Variants in TMTC4 observed in about 807,000 individuals in gnomAD.
TMTC4 encodes the protein transmembrane O-mannosyltransferase targeting cadherins 4.
TMTC4 carries 65 observed loss-of-function variants against 86.0 expected under a neutral mutation model. The observed-to-expected ratio is 0.76, with a 90% confidence interval of 0.62 to 0.93. TMTC4 has a LOEUF of 0.93. Ranked by LOEUF, TMTC4 falls within the 40% of genes least tolerant of loss-of-function variation. TMTC4 has a pLI of 0.00. For synonymous variants in TMTC4, 379 were observed against 382.5 expected, an observed-to-expected ratio of 0.99 and a Z score of 0.11; for missense variants, 866 against 948.1, an observed-to-expected ratio of 0.91 and a Z score of 1.14.
intron 6 of TMTC4, among the ~76,000 whole-genome samples, chr13:100,644,476 C>A (rs560703786): frequency 6.6e-6 from 1 of 152,264 alleles, no homozygotes; most frequent in South Asian, 2.1e-4. Flanking sequence ...CTGTCCCCAG[C>A]TGGGCCCCTG....
At chr13:100,642,673 C>T (rs1883184326) in intron 6 of TMTC4, among the ~76,000 whole-genome samples, 1 of 152,198 alleles carries the variant, frequency 6.6e-6, no homozygotes, top group African/African-American at 2.4e-5. Flanking sequence ...CTCACTGAGA[C>T]TGCAAACAGT....
chr13:100,674,892 G>T, upstream of TMTC4: 1 of 981,790 alleles, frequency 1.0e-6, no homozygotes, highest in Non-Finnish European at 1.2e-6. Flanking sequence ...CTCCCCACGC[G>T]CGCGGGCGCC....
chr13:100,637,461 CGAG>C (rs1213776877), intron 9 of TMTC4, 74 bp downstream of exon 9: 2 of 1,525,024 alleles, frequency 1.3e-6, no homozygotes, highest in Non-Finnish European at 8.8e-7. Flanking sequence ...AGGAGTGAGA[CGAG>C]GAGGAGGGGT....
At chr13:100,641,236 C>T (rs1407982971) in intron 7 of TMTC4, among the ~76,000 whole-genome samples, 2 of 152,226 alleles carry the variant, frequency 1.3e-5, no homozygotes, top group Non-Finnish European at 2.9e-5. Context: ...CCACTAGAAA[C>T]ATTAGCACCA....
intron 17 of TMTC4, among the ~76,000 whole-genome samples, chr13:100,610,356 C>T (rs1264449023): frequency 6.6e-6 from 1 of 152,192 alleles, no homozygotes; most frequent in African/African-American, 2.4e-5. Flanking sequence ...CCATTAGCAA[C>T]CGGTATCATT....
chr13:100,662,087 G>A (rs560061700), intron 5 of TMTC4, among the ~76,000 whole-genome samples: 14 of 151,998 alleles, frequency 9.2e-5, no homozygotes, highest in African/African-American at 2.9e-4. Flanking sequence ...GCAGCGCGAT[G>A]GGATGGAGAT....
At chr13:100,623,438 G>A (rs1566577200) in intron 15 of TMTC4, among the ~76,000 whole-genome samples, 1 of 152,152 alleles carries the variant, frequency 6.6e-6, no homozygotes, top group Admixed American at 6.5e-5. Flanking sequence ...TCGCCATGTT[G>A]GCCAGGCTGG....
At chr13:100,669,568 G>T (rs1886815195) in intron 2 of TMTC4, among the ~76,000 whole-genome samples, 1 of 152,152 alleles carries the variant, frequency 6.6e-6, no homozygotes, top group South Asian at 2.1e-4. Flanking sequence ...TTTCAAATGG[G>T]CATAATGTTT....
At chr13:100,663,614 C>T (rs1290458125) in intron 4 of TMTC4, among the ~76,000 whole-genome samples, 1 of 152,152 alleles carries the variant, frequency 6.6e-6, no homozygotes, top group Middle Eastern at 3.2e-3. Flanking sequence ...TCAGTATGCC[C>T]ACCAGCCTTC....
chr13:100,664,102 C>T (rs909243228), intron 4 of TMTC4, 119 bp downstream of exon 4: 36 of 824,988 alleles, frequency 4.4e-5, no homozygotes, highest in Non-Finnish European at 6.7e-5. Context: ...CAGCTCAGAC[C>T]CCACCTGGAG....
chr13:100,617,746 T>A (rs1878742729), intron 15 of TMTC4, among the ~76,000 whole-genome samples: 1 of 152,228 alleles, frequency 6.6e-6, no homozygotes, highest in Non-Finnish European at 1.5e-5. Flanking sequence ...GGCCTTACAG[T>A]ATAGTTTGAA....
intron 5 of TMTC4, among the ~76,000 whole-genome samples, chr13:100,659,559 G>T (rs1885516490): frequency 6.6e-6 from 1 of 152,040 alleles, no homozygotes; most frequent in East Asian, 1.9e-4. Context: ...TCTGTCCTCA[G>T]GGAAGCGCTG....
rs1566657724 is a variant in TMTC4, at chr13:100,673,950, GA to G, written c.-208+793del. ...TTATTTGCTCTCCCGGGGAAAGAGCGAAGTGTGGGATGACTCATAGTGGCTA... is the reference window on the plus strand; with the variant it reads ...TTATTTGCTCTCCCGGGGAAAGAGCGAGTGTGGGATGACTCATAGTGGCTA... On this transcript the variant is annotated intron_variant, in intron 1 of 18. Transcript: ENST00000342624. The G allele has an allele frequency of 3.5e-6, 3 of 849,356 alleles. No homozygotes were observed. In the South Asian group the frequency reaches 1.6e-4, roughly 46 times the overall value. The allele number at this position is 849,356 out of a possible 1,614,324, so 52.6% of individuals were successfully genotyped here. A position where few individuals can be genotyped will look rare whatever the true frequency, so the allele number is the denominator to read the frequency against.
chr13:100,635,337 T>A (rs1376723306), intron 10 of TMTC4, 142 bp from the exon 11 acceptor site: 4 of 947,692 alleles, frequency 4.2e-6, no homozygotes, highest in Non-Finnish European at 4.6e-6. Context: ...AGCCAAAGGA[T>A]ATCATCAGTA....
chr13:100,623,176 G>A (rs772819908), intron 15 of TMTC4, among the ~76,000 whole-genome samples: 4 of 152,230 alleles, frequency 2.6e-5, no homozygotes, highest in Non-Finnish European at 4.4e-5. Context: ...CTGCTTCCCT[G>A]CTGCAGGGCC....
chr13:100,611,868 A>G (rs1407890054), intron 17 of TMTC4, among the ~76,000 whole-genome samples: 2 of 152,224 alleles, frequency 1.3e-5, no homozygotes, highest in African/African-American at 4.8e-5. Context: ...CTGGTGGCCT[A>G]TATAACTCAG....
intron 1 of TMTC4, among the ~76,000 whole-genome samples, chr13:100,671,864 C>G (rs1164534558): frequency 7.1e-6 from 1 of 141,230 alleles, no homozygotes; most frequent in African/African-American, 2.6e-5. Flanking sequence ...AAATGCCTTT[C>G]ACTAGCAAAC....
At chr13:100,669,383 G>C (rs1415457857) in intron 2 of TMTC4, among the ~76,000 whole-genome samples, 1 of 152,106 alleles carries the variant, frequency 6.6e-6, no homozygotes, top group Non-Finnish European at 1.5e-5. Flanking sequence ...GGGTTCCTAG[G>C]CTACTGGCTC....
At chr13:100,645,814 C>A (rs929102045) in intron 6 of TMTC4, among the ~76,000 whole-genome samples, 4 of 152,196 alleles carry the variant, frequency 2.6e-5, no homozygotes, top group African/African-American at 2.4e-5. Context: ...GCACTCATCA[C>A]ATGTGGGCTA....
Sources: gnomAD v4.1 joint callset for allele counts (sites outside exome capture counted in the v4.1 genomes callset) on GRCh38, gnomAD v4.1.1 for gene constraint, MANE v1.5 for transcripts, NCBI Gene and HGNC (gene_info 2026-07-23, HGNC 2026-07-21) for gene names.